Variants in ADCY1 observed in about 807,000 individuals in gnomAD.
ADCY1 encodes adenylate cyclase 1.
ADCY1 carries 28 observed loss-of-function variants against 105.4 expected under a neutral mutation model. The ratio of observed to expected loss-of-function variants is 0.27; its 90% CI spans 0.20 to 0.36. The LOEUF (loss-of-function observed/expected upper bound fraction) is 0.36, where lower values mean the gene tolerates loss of function less well. Ranked by LOEUF, ADCY1 falls within the 10% of genes least tolerant of loss-of-function variation. The pLI is 1.00. For missense variants in ADCY1, 977 were observed against 1,434.2 expected (o/e 0.68, Z 5.15); for synonymous variants, 655 against 623.8 (o/e 1.05, Z -0.75).
intron 1 of ADCY1, among the ~76,000 whole-genome samples, chr7:45,586,669 C>A (rs1792734114): frequency 6.6e-6 from 1 of 152,220 alleles, no homozygotes; most frequent in Non-Finnish European, 1.5e-5. Flanking sequence ...GATGTCACAC[C>A]AGCACTCAGC....
chr7:45,673,761 G>A (rs918308869), intron 8 of ADCY1, among the ~76,000 whole-genome samples: 2 of 151,072 alleles, frequency 1.3e-5, no homozygotes, highest in South Asian at 2.1e-4. Context: ...TCTTTTTATT[G>A]AATTCTTCTC....
chr7:45,627,676 G>T (rs1245810440), intron 4 of ADCY1, among the ~76,000 whole-genome samples: 1 of 152,158 alleles, frequency 6.6e-6, no homozygotes, highest in Non-Finnish European at 1.5e-5. Flanking sequence ...GGCACTTTTT[G>T]GCCAGCAGGA....
chr7:45,616,147 G>A (rs998170498), intron 3 of ADCY1, among the ~76,000 whole-genome samples: 5 of 152,164 alleles, frequency 3.3e-5, no homozygotes, highest in Non-Finnish European at 7.4e-5. Flanking sequence ...GAAGTAGAAA[G>A]TTTGAACAGA....
At chr7:45,662,350 C>T (rs1795128338) in intron 8 of ADCY1, 136 bp downstream of exon 8, 6 of 988,624 alleles carry the variant, frequency 6.1e-6, no homozygotes, top group Non-Finnish European at 7.2e-6. Flanking sequence ...GTAAATGCTG[C>T]TCAGAGCTGA....
At chr7:45,617,075 T>C (rs1342789218) in intron 3 of ADCY1, among the ~76,000 whole-genome samples, 1 of 152,238 alleles carries the variant, frequency 6.6e-6, no homozygotes, top group African/African-American at 2.4e-5. Context: ...ACACCGATTC[T>C]GCAACCTATG....
chr7:45,617,327 G>A (rs2115902066), intron 3 of ADCY1, among the ~76,000 whole-genome samples: 1 of 152,314 alleles, frequency 6.6e-6, no homozygotes, highest in East Asian at 1.9e-4. Context: ...GAATTGCTAT[G>A]GAGTCTCGGT....
chr7:45,650,228 C>T (rs1379877509), intron 5 of ADCY1, among the ~76,000 whole-genome samples: 1 of 152,110 alleles, frequency 6.6e-6, no homozygotes, highest in Non-Finnish European at 1.5e-5. Context: ...TCACATATCA[C>T]ATAATCTACC....
chr7:45,696,792 C>G (rs1784890601), intron 14 of ADCY1, among the ~76,000 whole-genome samples: 3 of 152,154 alleles, frequency 2.0e-5, no homozygotes, highest in Admixed American at 6.5e-5. Flanking sequence ...TCCAAAGACC[C>G]CAGAAGTTGC....
intron 8 of ADCY1, chr7:45,664,185 A>G (rs1795205713): frequency 1.9e-6 from 2 of 1,034,520 alleles, no homozygotes; most frequent in Non-Finnish European, 2.9e-6. Flanking sequence ...GGATTTTACA[A>G]GGAAGTGCAC....
chr7:45,629,577 G>A (rs2115963010), intron 4 of ADCY1, among the ~76,000 whole-genome samples: 1 of 151,086 alleles, frequency 6.6e-6, no homozygotes, highest in South Asian at 2.1e-4. Flanking sequence ...GGACTGCAGT[G>A]GCGCAATCTC....
In ADCY1 at chr7:45,578,546, A is replaced by G. The variant is rs1382319624; in HGVS notation, c.639+3364A>G. ...GGTGGGGTAGGGGTGAGTGCCAAGGACCATGGGGTATTAGGAAGGCAGAGA... is the reference window on the plus strand; with the variant it reads ...GGTGGGGTAGGGGTGAGTGCCAAGGGCCATGGGGTATTAGGAAGGCAGAGA... On this transcript the variant is annotated intron_variant, in intron 1 of 19. Transcript: ENST00000297323. 2.6e-5 allele frequency among the ~76,000 whole-genome samples: 4 copies of G among 152,230 alleles called. No homozygotes were observed. In the East Asian group the frequency reaches 7.7e-4, roughly 29 times the overall value.
chr7:45,705,142 A>C (rs1785089576), intron 17 of ADCY1, among the ~76,000 whole-genome samples: 1 of 152,202 alleles, frequency 6.6e-6, no homozygotes, highest in Non-Finnish European at 1.5e-5. Context: ...TCTACCAAAT[A>C]TTTAAGGAAG....
At chr7:45,609,976 G>T (rs56228800) in intron 2 of ADCY1, among the ~76,000 whole-genome samples, 2 of 152,300 alleles carry the variant, frequency 1.3e-5, no homozygotes, top group African/African-American at 4.8e-5. Flanking sequence ...GACTCTGTGG[G>T]TACCTCAGGA....
rs78742829 is a variant in ADCY1, at chr7:45,610,517, G to A, written c.908+20G>A. On this transcript the variant is annotated intron_variant, in intron 3 of 19. Coordinates refer to ENST00000297323, the MANE Select transcript of ADCY1 (RefSeq NM_021116.4). ...TGTGAGGTAGGGCTGGTGCTGACCC[G>A]GCACAGCGGGGAGCCTGGGAAGCTG... The A allele has an allele frequency of 1.6e-4, 262 of 1,599,576 alleles. 1 individual carries two copies. Among genetic ancestry groups the A allele is most frequent in the Middle Eastern group, 1.2e-3 (7 of 6,030 alleles).
At chr7:45,665,836 A>G (rs930037304) in intron 8 of ADCY1, among the ~76,000 whole-genome samples, 26 of 152,204 alleles carry the variant, frequency 1.7e-4, no homozygotes, top group African/African-American at 6.0e-4. Context: ...TGGGGACTTT[A>G]TTTCTAGAGG....
At chr7:45,635,629 T>TTTC (rs1554322116) in intron 4 of ADCY1, among the ~76,000 whole-genome samples, 3 of 143,956 alleles carry the variant, frequency 2.1e-5, no homozygotes, top group African/African-American at 2.6e-5. Context: ...TTTTTTTTTT[T>TTTC]CCAGACCCAT....
At chr7:45,643,588 G>A (rs944805555) in intron 4 of ADCY1, among the ~76,000 whole-genome samples, 11 of 151,782 alleles carry the variant, frequency 7.2e-5, no homozygotes, top group African/African-American at 2.4e-4. Flanking sequence ...TGGTCATGCT[G>A]GTAACAGGTT....
In ADCY1 at chr7:45,703,257, T is replaced by A. The variant is rs1785036294; in HGVS notation, c.2455-119T>A. On this transcript the variant is annotated intron_variant, in intron 14 of 19. Transcript: ENST00000297323. This position sits in a 1 kb window ranked among gnomAD's most constrained non-coding sequence, Gnocchi z 5.9. ...CTAGTGGGGAGGAGGGACAGGAGCG[T>A]GGATGTAGACCATCAGCACACCTGG... 2.3e-6 allele frequency: 2 copies of A among 883,308 alleles called. No homozygotes were observed. The highest frequency in any genetic ancestry group is 3.3e-5 in the African/African-American group (2 of 61,124). The allele number at this position is 883,308 out of a possible 1,614,324, so 54.7% of individuals were successfully genotyped here. A position where few individuals can be genotyped will look rare whatever the true frequency, so the allele number is the denominator to read the frequency against.
At chr7:45,592,530 C>G (rs1375807948) in intron 1 of ADCY1, among the ~76,000 whole-genome samples, 1 of 152,214 alleles carries the variant, frequency 6.6e-6, no homozygotes, top group Non-Finnish European at 1.5e-5. Flanking sequence ...GGCCTTGACA[C>G]TAGGCCTGGT....
Sources: gnomAD v4.1 joint callset for allele counts (sites outside exome capture counted in the v4.1 genomes callset) on GRCh38, gnomAD v4.1.1 for gene constraint, Gnocchi (gnomAD v3.1) non-coding constraint, MANE v1.5 for transcripts, NCBI Gene and HGNC (gene_info 2026-07-23, HGNC 2026-07-21) for gene names.